Variants in DIAPH2 observed in about 807,000 individuals in gnomAD.
The protein encoded by DIAPH2 is diaphanous related formin 2, also known as protein diaphanous homolog 2.
Under a neutral mutation model 92.7 loss-of-function variants are expected in DIAPH2, and 35 were observed. That is an observed-to-expected ratio of 0.38 (90% confidence interval 0.29 to 0.50). The LOEUF (loss-of-function observed/expected upper bound fraction) is 0.50. Among genes scored for constraint, DIAPH2 ranks in the 20% least tolerant of loss-of-function variants. DIAPH2 has a pLI of 0.94. For synonymous variants in DIAPH2, 301 were observed against 280.4 expected, an observed-to-expected ratio of 1.07 and a Z score of -0.73; for missense variants, 701 against 819.5, an observed-to-expected ratio of 0.86 and a Z score of 1.77.
chrX:97,143,547 A>G (rs1428677459), intron 22 of DIAPH2, among the ~76,000 whole-genome samples: 1 of 110,355 alleles, frequency 9.1e-6, no homozygotes, highest in Non-Finnish European at 1.9e-5. Flanking sequence ...CCACACACTT[A>G]TATCAATCAA....
chrX:96,874,306 G>T (rs1304451912), intron 4 of DIAPH2, among the ~76,000 whole-genome samples: 3 of 111,835 alleles, frequency 2.7e-5, no homozygotes, highest in East Asian at 5.6e-4. Context: ...AAATAAAAGA[G>T]AAACATAATG....
At chrX:96,971,805 A>G (rs751140308) in intron 17 of DIAPH2, among the ~76,000 whole-genome samples, 7 of 111,828 alleles carry the variant, frequency 6.3e-5, no homozygotes, top group Non-Finnish European at 1.3e-4. Flanking sequence ...CTGAAAGGAC[A>G]TATACAGGAT....
At chrX:97,288,623 C>G (rs1402155463) in intron 23 of DIAPH2, among the ~76,000 whole-genome samples, 1 of 109,140 alleles carries the variant, frequency 9.2e-6, no homozygotes, top group Admixed American at 1.0e-4. Flanking sequence ...TGCCTATAGT[C>G]TCAGCTACTT....
chrX:97,056,176 TA>T (rs2066555708), intron 17 of DIAPH2, among the ~76,000 whole-genome samples: 1 of 111,961 alleles, frequency 8.9e-6, no homozygotes, highest in African/African-American at 3.2e-5. Context: ...TATGTGGTGG[TA>T]AACTCCAGCA....
intron 21 of DIAPH2, among the ~76,000 whole-genome samples, chrX:97,126,552 C>T (rs776976009): frequency 8.9e-6 from 1 of 112,208 alleles, no homozygotes; most frequent in African/African-American, 3.2e-5. Flanking sequence ...AAACATACAT[C>T]TCCAGTCCTT....
chrX:96,772,022 G>A (rs1460269069), intron 4 of DIAPH2, among the ~76,000 whole-genome samples: 1 of 109,710 alleles, frequency 9.1e-6, no homozygotes, highest in Non-Finnish European at 1.9e-5. Flanking sequence ...GGGTGACACA[G>A]TTGAGACCCT....
At chrX:97,200,570 C>T (rs1331391043) in intron 22 of DIAPH2, among the ~76,000 whole-genome samples, 1 of 111,553 alleles carries the variant, frequency 9.0e-6, no homozygotes, top group Non-Finnish European at 1.9e-5. Flanking sequence ...TTCATCACAG[C>T]GTGGCAAAGC....
intron 4 of DIAPH2, among the ~76,000 whole-genome samples, chrX:96,802,697 A>G (rs2064592369): frequency 9.0e-6 from 1 of 111,631 alleles, no homozygotes; most frequent in East Asian, 2.8e-4. Flanking sequence ...GACAGAACTA[A>G]TAGGATAGGT....
At chrX:97,312,988 C>G in intron 23 of DIAPH2, among the ~76,000 whole-genome samples, 1 of 109,672 alleles carries the variant, frequency 9.1e-6, no homozygotes, top group Middle Eastern at 4.3e-3. Flanking sequence ...ACCATCCTGT[C>G]TAACATGGTG....
chrX:97,515,621 T>C (rs1466810231), intron 26 of DIAPH2, among the ~76,000 whole-genome samples: 2 of 110,154 alleles, frequency 1.8e-5, no homozygotes, highest in Non-Finnish European at 3.8e-5. Flanking sequence ...GGATATGATC[T>C]AATAATAATA....
At chrX:97,133,524 T>C (rs915507487) in intron 21 of DIAPH2, among the ~76,000 whole-genome samples, 7 of 111,753 alleles carry the variant, frequency 6.3e-5, no homozygotes, top group African/African-American at 1.6e-4. Flanking sequence ...TGACCTCAAG[T>C]GATCCACCCA....
At chrX:96,885,272 C>G (rs988727190) in intron 5 of DIAPH2, 5 of 439,100 alleles carry the variant, frequency 1.1e-5, no homozygotes, top group African/African-American at 1.0e-4. Flanking sequence ...ATTTGAAGCT[C>G]AGAGAGAGAC....
At chrX:97,261,003 C>G (rs761358882) in intron 23 of DIAPH2, among the ~76,000 whole-genome samples, 6 of 112,541 alleles carry the variant, frequency 5.3e-5, no homozygotes, top group Admixed American at 2.8e-4. Context: ...ATGCGTTAGT[C>G]TTTTAGAAGA....
chrX:97,426,149 C>T (rs1238862264), intron 25 of DIAPH2, among the ~76,000 whole-genome samples: 1 of 111,393 alleles, frequency 9.0e-6, no homozygotes, highest in Non-Finnish European at 1.9e-5. Flanking sequence ...TAATCTCACC[C>T]TCCTTCTCTT....
intron 4 of DIAPH2, among the ~76,000 whole-genome samples, chrX:96,788,034 T>C (rs1033236218): frequency 9.1e-6 from 1 of 110,042 alleles, no homozygotes; most frequent in Non-Finnish European, 1.9e-5. Context: ...TAAAGGATAT[T>C]TTACACTAGT....
At chrX:97,223,789 A>G (rs2067944220) in intron 22 of DIAPH2, among the ~76,000 whole-genome samples, 1 of 112,100 alleles carries the variant, frequency 8.9e-6, no homozygotes, top group South Asian at 3.7e-4. Flanking sequence ...TTTGGGGTCA[A>G]CTATGAATGA....
chrX:97,327,092 T>C (rs1004085110), intron 23 of DIAPH2, among the ~76,000 whole-genome samples: 9 of 112,100 alleles, frequency 8.0e-5, no homozygotes, highest in African/African-American at 2.9e-4. Context: ...CTTAGGAAAT[T>C]TCTTTCTTTC....
At chrX:97,532,987 TC>T (rs948935841) in intron 26 of DIAPH2, among the ~76,000 whole-genome samples, 2 of 109,831 alleles carry the variant, frequency 1.8e-5, no homozygotes, top group African/African-American at 6.8e-5. Flanking sequence ...CCAAAACTCA[TC>T]TTTATTTCTA....
At chrX:97,162,762 G>C (rs978081752) in intron 22 of DIAPH2, among the ~76,000 whole-genome samples, 1 of 111,567 alleles carries the variant, frequency 9.0e-6, no homozygotes, top group Non-Finnish European at 1.9e-5. Flanking sequence ...TGATCCACCC[G>C]CCTCAGCCTC....
Sources: gnomAD v4.1 joint callset for allele counts (sites outside exome capture counted in the v4.1 genomes callset) on GRCh38, gnomAD v4.1.1 for gene constraint, MANE v1.5 for transcripts, NCBI Gene and HGNC (gene_info 2026-07-23, HGNC 2026-07-21) for gene names.